UGT1A8: variants seen among roughly 807,000 people sequenced by gnomAD.
The protein encoded by UGT1A8 is UDP-glucuronosyltransferase 1A8.
UGT1A8 carries 39 observed loss-of-function variants against 45.3 expected under a neutral mutation model. That is an observed-to-expected ratio of 0.86 (90% CI 0.67 to 1.12). UGT1A8 has a LOEUF of 1.12. Among genes scored for constraint, UGT1A8 ranks in the 50% most tolerant of loss-of-function variants. The probability of loss-of-function intolerance (pLI) is 0.00; values close to 1 mark genes in which losing one functional copy is unlikely to be tolerated. For synonymous variants in UGT1A8, 275 were observed against 249.2 expected (o/e 1.10, Z -0.97); for missense variants, 719 against 664.9 (o/e 1.08, Z -0.90).
chr2:233,736,902 T>G lies in UGT1A8; in HGVS notation c.856-30132T>G, dbSNP rs143081248. ...GCAAATATTGCTGCCTGATCCTTCC[T>G]CTGGAAGCTTCATACCAGAGGCGCA... is the stretch of plus-strand genomic sequence containing the variant. On this transcript the variant is annotated intron_variant, in intron 1 of 4. Coordinates refer to ENST00000373450, the MANE Select transcript of UGT1A8 (RefSeq NM_019076.5). 5.7e-3 allele frequency among the ~76,000 whole-genome samples: 868 copies of G among 152,312 alleles called. 7 individuals are homozygous for G. Among genetic ancestry groups the G allele is most frequent in the African/African-American group, 0.02 (824 of 41,572 alleles).
At chr2:233,743,804 T>C (rs1692519610) in intron 1 of UGT1A8, 4 of 1,367,166 alleles carry the variant, frequency 2.9e-6, no homozygotes, top group Non-Finnish European at 2.9e-6. Context: ...TTCCTCCTTG[T>C]TCTCAGGGTT....
chr2:233,708,130 C>T (rs1343190051), intron 1 of UGT1A8, among the ~76,000 whole-genome samples: 1 of 152,208 alleles, frequency 6.6e-6, no homozygotes, highest in Non-Finnish European at 1.5e-5. Flanking sequence ...TCACTGTGCT[C>T]CTGTGTGGGA....
chr2:233,762,430 C>CCATAAA, intron 1 of UGT1A8, among the ~76,000 whole-genome samples: 1 of 152,296 alleles, frequency 6.6e-6, no homozygotes, highest in African/African-American at 2.4e-5. Context: ...AATAGAGTAA[C>CCATAAA]AGTGTATTCC....
At chr2:233,680,129 C>G (rs989964167) in intron 1 of UGT1A8, among the ~76,000 whole-genome samples, 1 of 152,090 alleles carries the variant, frequency 6.6e-6, no homozygotes, top group Non-Finnish European at 1.5e-5. Flanking sequence ...CGGTACCTAT[C>G]AAGTAATTCA....
chr2:233,688,171 A>G (rs910523847), intron 1 of UGT1A8, among the ~76,000 whole-genome samples: 4 of 152,186 alleles, frequency 2.6e-5, no homozygotes, highest in African/African-American at 7.2e-5. Context: ...CATTTCATGG[A>G]AATGGAAGCC....
intron 1 of UGT1A8, 116 bp from the exon 2 acceptor site, chr2:233,766,918 A>G: frequency 1.3e-6 from 2 of 1,548,282 alleles, no homozygotes; most frequent in Non-Finnish European, 1.7e-6. Flanking sequence ...TCTATCTCAA[A>G]CACGCATGCC....
intron 1 of UGT1A8, among the ~76,000 whole-genome samples, chr2:233,683,285 G>T (rs1053876282): frequency 3.3e-5 from 5 of 151,998 alleles, no homozygotes; most frequent in Non-Finnish European, 7.4e-5. Flanking sequence ...ATAAGTTAAA[G>T]ATATCTTTAC....
At chr2:233,630,240 C>T (rs2073163150) in intron 1 of UGT1A8, among the ~76,000 whole-genome samples, 2 of 152,046 alleles carry the variant, frequency 1.3e-5, no homozygotes, top group Non-Finnish European at 2.9e-5. Flanking sequence ...TCTGCAAGTG[C>T]CCCAGTCACC....
At chr2:233,648,617 C>T (rs1007897115) in intron 1 of UGT1A8, among the ~76,000 whole-genome samples, 34 of 55,468 alleles carry the variant, frequency 6.1e-4, no homozygotes, top group African/African-American at 1.6e-3. Flanking sequence ...CCTGCCACCA[C>T]GCCTGGCTAA....
Position 233,767,857 on chromosome 2 carries a change from G to T in UGT1A8, c.996G>T (p.Trp332Cys). 6.2e-7 allele frequency: 1 copy of T among 1,614,112 alleles called. No individual in the cohort carries two copies. Among genetic ancestry groups the T allele is most frequent in the South Asian group, 1.1e-5 (1 of 91,072 alleles). The change falls in exon 3 of 5, where the codon TGG becomes TGT. Residue 332 changes from tryptophan to cysteine, a missense_variant. By Grantham distance (215) the Trp-to-Cys change is radical (BLOSUM62 -2). Transcript: ENST00000373450. ...CTTTTTGCCCCTCCCAGGTCCTGTG[G>T]CGGTACACTGGAACCCGACCATCGA... is the stretch of plus-strand genomic sequence containing the variant. The part of the protein sequence containing the change: ...ALGKIPQTVL[W>C]RYTGTRPSNL...
intron 1 of UGT1A8, among the ~76,000 whole-genome samples, chr2:233,701,507 A>G (rs1166715177): frequency 2.0e-5 from 3 of 152,208 alleles, no homozygotes; most frequent in Non-Finnish European, 4.4e-5. Context: ...ATAGACATCT[A>G]CAGAACTCTC....
chr2:233,750,944 C>T (rs1260619822), intron 1 of UGT1A8, among the ~76,000 whole-genome samples: 5 of 151,882 alleles, frequency 3.3e-5, no homozygotes, highest in Non-Finnish European at 7.3e-5. Flanking sequence ...AGCCCCCACA[C>T]AGAGTCTCCA....
intron 1 of UGT1A8, chr2:233,713,749 C>T (rs1291086898): frequency 6.2e-7 from 1 of 1,613,848 alleles, no homozygotes; most frequent in African/African-American, 1.3e-5. Flanking sequence ...AGCCATGCAT[C>T]TGTGTGGCTG....
intron 1 of UGT1A8, among the ~76,000 whole-genome samples, chr2:233,727,545 T>C (rs2077627675): frequency 2.0e-5 from 3 of 152,198 alleles, no homozygotes. Flanking sequence ...GTTCCACCCG[T>C]CACCTGGGCT....
At position 233,636,339 on chromosome 2, in the gene UGT1A8, A is replaced by G. The variant is rs2073288874; in HGVS notation, c.855+17777A>G. On this transcript the variant is annotated intron_variant, in intron 1 of 4. Transcript: ENST00000373450. ...AAATCATACAAGTAGGTATCTCAGC[A>G]AATGATACTCGTGTGTTATCGTTCT... 8.1e-6 allele frequency: 9 copies of G among 1,107,586 alleles called. No individual in the cohort carries two copies. The South Asian group carries it at 1.8e-4, about 23-fold the overall frequency. The allele number at this position is 1,107,586 out of a possible 1,614,324, so 68.6% of individuals were successfully genotyped here. A position where few individuals can be genotyped will look rare whatever the true frequency, so the allele number is the denominator to read the frequency against.
chr2:233,769,382 A>G lies in UGT1A8; in HGVS notation c.1295+943A>G. 1 of 1,021,984 alleles carries G rather than the reference A, an allele frequency of 9.8e-7. No individual in the cohort carries two copies. The highest frequency in any genetic ancestry group is 1.6e-5 in the South Asian group (1 of 63,370). 63.3% of individuals were successfully genotyped at this position (1,021,984 alleles called of 1,614,324 possible). On this transcript the variant is annotated intron_variant, in intron 4 of 4. Transcript: ENST00000373450. This position sits in a 1 kb window ranked among gnomAD's most constrained non-coding sequence, Gnocchi z 4.4. ...GGCCAGTGGTAGATTTCATCCGACAATAGATACTGTGTGCATATGTGCGTG... is the reference window on the plus strand; with the variant it reads ...GGCCAGTGGTAGATTTCATCCGACAGTAGATACTGTGTGCATATGTGCGTG...
At chr2:233,768,582 CTTTTTTTTT>C (rs139595073) in intron 4 of UGT1A8, 143 bp downstream of exon 4, 1,382 of 1,030,410 alleles carry the variant, frequency 1.3e-3, no homozygotes, top group Middle Eastern at 4.4e-3. Flanking sequence ...TTTATTTCTT[CTTTTTTTTT>C]TTTTTTTTTT....
intron 1 of UGT1A8, among the ~76,000 whole-genome samples, chr2:233,671,091 A>C (rs1215160512): frequency 6.6e-6 from 1 of 152,168 alleles, no homozygotes; most frequent in Non-Finnish European, 1.5e-5. Context: ...AGTTGACATC[A>C]CCTCTGACCT....
intron 1 of UGT1A8, among the ~76,000 whole-genome samples, chr2:233,674,492 A>G (rs2125505828): frequency 6.6e-6 from 1 of 152,234 alleles, no homozygotes; most frequent in South Asian, 2.1e-4. Flanking sequence ...CACTTCCTGA[A>G]CCCACACTGA....
Sources: gnomAD v4.1 joint callset for allele counts (sites outside exome capture counted in the v4.1 genomes callset) on GRCh38, gnomAD v4.1.1 for gene constraint, Gnocchi (gnomAD v3.1) non-coding constraint, MANE v1.5 for transcripts, NCBI Gene and HGNC (gene_info 2026-07-23, HGNC 2026-07-21) for gene names.